The following TAF5L variants were observed in gnomAD, a reference collection of about 807,000 sequenced individuals.
TAF5L encodes the protein TATA-box binding protein associated factor 5 like.
A neutral mutation model predicts 51.3 loss-of-function variants in TAF5L; 7 were observed. The observed-to-expected ratio is 0.14, with a 90% CI of 0.08 to 0.26. The LOEUF (loss-of-function observed/expected upper bound fraction) is 0.26. TAF5L is among the 10% of genes least tolerant of loss of function. The probability of loss-of-function intolerance (pLI) is 1.00; values close to 1 mark genes in which losing one functional copy is unlikely to be tolerated. For synonymous variants in TAF5L, 291 were observed against 308.1 expected (o/e 0.94, Z 0.58); for missense variants, 575 against 758.9 (o/e 0.76, Z 2.85).
At position 229,625,732 on chromosome 1, in the gene TAF5L, C is replaced by T. The variant is rs1235356917; in HGVS notation, c.-4+153G>A. On this transcript the variant is annotated intron_variant, in intron 1 of 4. Transcript: ENST00000258281. The surrounding 1 kb of genome is among the most constrained non-coding windows in gnomAD (Gnocchi z 4.0). ...CCCGCGCAGAGCCGCCCGCCGCCCC[C>T]CAGCCCCGCCTCCCGCGCCCCACCC... Among the ~76,000 whole-genome samples, 1 of 144,186 alleles carries T rather than the reference C, an allele frequency of 6.9e-6. No individual in the cohort carries two copies. The allele number at this position is 144,186 out of a possible 152,430, so 94.6% of individuals were successfully genotyped here.
At position 229,600,531 on chromosome 1, in the gene TAF5L, C is replaced by T. The variant is rs116376466; in HGVS notation, c.972+1664G>A. Reference sequence around the variant, plus strand: ...TTATCCCCTACAGTAATTGAATAACCGAGCTCTTCTCTAGTCCATCCATGT... The same window carrying T: ...TTATCCCCTACAGTAATTGAATAACTGAGCTCTTCTCTAGTCCATCCATGT... On this transcript the variant is annotated intron_variant, in intron 4 of 4. Coordinates refer to ENST00000258281, the Ensembl canonical transcript of TAF5L. The T allele has an allele frequency of 6.6e-4, 655 of 985,430 alleles. 8 individuals carry two copies. The African/African-American group carries it at 0.01, about 15-fold the overall frequency. 61.0% of individuals were successfully genotyped at this position (985,430 alleles called of 1,614,324 possible). A position where few individuals can be genotyped will look rare whatever the true frequency, so the allele number is the denominator to read the frequency against.
At chr1:229,605,556 G>T (rs567245585) in intron 3 of TAF5L, among the ~76,000 whole-genome samples, 6 of 152,110 alleles carry the variant, frequency 3.9e-5, no homozygotes, top group South Asian at 2.1e-4. Context: ...ACTGTGGGGG[G>T]GCCCACGGCA....
rs1013577664 is a variant in TAF5L at position 229,625,527 on chromosome 1, C to A, written c.-4+358G>T. ...CCGTGCTCCCTGCTTGGCTGTCGGG[C>A]ACTGGGATACCTTCCCCGCGGGCGC... On this transcript the variant is annotated intron_variant, in intron 1 of 4. Coordinates refer to ENST00000258281, the Ensembl canonical transcript of TAF5L. This position sits in a 1 kb window ranked among gnomAD's most constrained non-coding sequence, Gnocchi z 4.0. Among the ~76,000 whole-genome samples the A allele has an allele frequency of 6.6e-6, 1 of 152,102 alleles. No individual in the cohort carries two copies. The highest frequency in any genetic ancestry group is 1.5e-5 in the Non-Finnish European group (1 of 67,992).
chr1:229,601,439 G>T, intron 4 of TAF5L: 1 of 985,410 alleles, frequency 1.0e-6, no homozygotes, highest in Non-Finnish European at 1.2e-6. Flanking sequence ...TTAATGCTGT[G>T]AAGTTTAATT....
At chr1:229,601,475 T>C (rs1235345175) in intron 4 of TAF5L, 2 of 985,342 alleles carry the variant, frequency 2.0e-6, no homozygotes, top group Admixed American at 1.2e-4. Flanking sequence ...CCACATTTTT[T>C]CTAAGGTAGT....
chr1:229,605,408 A>G (rs1664556699), intron 3 of TAF5L, among the ~76,000 whole-genome samples: 1 of 152,208 alleles, frequency 6.6e-6, no homozygotes, highest in Non-Finnish European at 1.5e-5. Context: ...TTGGTTGTAC[A>G]CAGGATAATT....
intron 2 of TAF5L, 38 bp from the exon 3 acceptor site, chr1:229,610,248 A>G (rs1042307363): frequency 6.3e-7 from 1 of 1,596,910 alleles, no homozygotes; most frequent in African/African-American, 1.3e-5. Flanking sequence ...GGCGGGAAAC[A>G]GAGAGACGAT....
At chr1:229,599,173 A>G (rs1004631790) in intron 4 of TAF5L, 13 of 761,970 alleles carry the variant, frequency 1.7e-5, no homozygotes, top group Non-Finnish European at 1.8e-5. Context: ...TAAGTGGGAG[A>G]CAACAGAAGC....
intron 3 of TAF5L, among the ~76,000 whole-genome samples, chr1:229,608,837 CAAAAAAATTT>C (rs1266297855): frequency 1.3e-5 from 2 of 151,756 alleles, no homozygotes; most frequent in South Asian, 2.1e-4. Flanking sequence ...CCTGTCTCTA[CAAAAAAATTT>C]AAAAAAATTA....
chr1:229,622,018 CATCT>C (rs10578192), intron 1 of TAF5L, among the ~76,000 whole-genome samples: 41,608 of 148,710 alleles, frequency 0.28, 5,858 homozygotes, highest in African/African-American at 0.28. Context: ...CATTCATCAT[CATCT>C]ATCTATCTAT....
chr1:229,617,169 A>G (rs536029857), intron 1 of TAF5L, among the ~76,000 whole-genome samples: 3 of 152,292 alleles, frequency 2.0e-5, no homozygotes, highest in Non-Finnish European at 2.9e-5. Flanking sequence ...ACTGATCAGC[A>G]CTGCTCTATC....
chr1:229,616,375 T>TTTATTAATTATTA (rs1553271735), intron 1 of TAF5L, among the ~76,000 whole-genome samples: 3 of 148,206 alleles, frequency 2.0e-5, no homozygotes, highest in African/African-American at 4.9e-5. Flanking sequence ...TTTATTTATA[T>TTTATTAATTATTA]TTTTTTTTTT....
At chr1:229,606,763 G>A (rs1664610026) in intron 3 of TAF5L, 2 of 985,406 alleles carry the variant, frequency 2.0e-6, no homozygotes, top group Non-Finnish European at 2.4e-6. Context: ...GCTGGCCCTG[G>A]TTCAAATCCA....
chr1:229,603,546 T>C (rs1239149899), intron 3 of TAF5L, among the ~76,000 whole-genome samples: 1 of 152,074 alleles, frequency 6.6e-6, no homozygotes, highest in East Asian at 1.9e-4. Flanking sequence ...TGGCGTGTCC[T>C]GTGTTAACAT....
intron 4 of TAF5L, chr1:229,600,028 G>C (rs1664309703): frequency 2.0e-6 from 2 of 984,172 alleles, no homozygotes; most frequent in Admixed American, 1.2e-4. Flanking sequence ...TGTGGCTCCT[G>C]TATTAAGAGT....
intron 4 of TAF5L, chr1:229,600,084 T>C: frequency 4.1e-6 from 4 of 978,748 alleles, no homozygotes; most frequent in Non-Finnish European, 4.9e-6. Context: ...TTCAAAATAA[T>C]AGTCTGTTTT....
intron 3 of TAF5L, among the ~76,000 whole-genome samples, chr1:229,609,492 G>A (rs1664713659): frequency 6.6e-6 from 1 of 151,834 alleles, no homozygotes; most frequent in Admixed American, 6.6e-5. Flanking sequence ...TATCTTCTGG[G>A]GCTCTTAATG....
chr1:229,625,726 C>G lies in TAF5L; in HGVS notation c.-4+159G>C, dbSNP rs1334577161. On this transcript the variant is annotated intron_variant, in intron 1 of 4. Transcript: ENST00000258281. The surrounding 1 kb of genome is among the most constrained non-coding windows in gnomAD (Gnocchi z 4.0). The stretch of plus-strand genomic sequence containing the variant: ...GTCGCGCCCGCGCAGAGCCGCCCGC[C>G]GCCCCCCAGCCCCGCCTCCCGCGCC... Among the ~76,000 whole-genome samples the G allele has an allele frequency of 6.9e-6, 1 of 144,212 alleles. No individual in the cohort carries two copies. Among genetic ancestry groups the G allele is most frequent in the Admixed American group, 6.8e-5 (1 of 14,640 alleles). 94.6% of individuals were successfully genotyped at this position (144,212 alleles called of 152,430 possible).
At chr1:229,612,888 TAAGA>T (rs2102758946) in intron 2 of TAF5L, among the ~76,000 whole-genome samples, 1 of 152,148 alleles carries the variant, frequency 6.6e-6, no homozygotes, top group South Asian at 2.1e-4. Context: ...CCTGAGCATA[TAAGA>T]AAGGGAACCA....
Sources: gnomAD v4.1 joint callset for allele counts (sites outside exome capture counted in the v4.1 genomes callset) on GRCh38, gnomAD v4.1.1 for gene constraint, Gnocchi (gnomAD v3.1) non-coding constraint, MANE v1.5 for transcripts, NCBI Gene and HGNC (gene_info 2026-07-23, HGNC 2026-07-21) for gene names.